FLT3: variants seen among roughly 807,000 people sequenced by gnomAD.
The protein encoded by FLT3 is fms related receptor tyrosine kinase 3, also known as receptor-type tyrosine-protein kinase FLT3.
A neutral mutation model predicts 126.6 loss-of-function variants in FLT3; 46 were observed. The ratio of observed to expected loss-of-function variants is 0.36; its 90% CI spans 0.29 to 0.46. The LOEUF is 0.46. Among genes scored for constraint, FLT3 ranks in the 20% least tolerant of loss-of-function variants. FLT3 has a pLI of 1.00. For missense variants in FLT3, 1,069 were observed against 1,190.3 expected (o/e 0.90, Z 1.50); for synonymous variants, 404 against 434.4 (o/e 0.93, Z 0.87).
intron 23 of FLT3, among the ~76,000 whole-genome samples, chr13:28,007,097 T>C (rs1216258011): frequency 6.6e-6 from 1 of 152,130 alleles, no homozygotes; most frequent in Non-Finnish European, 1.5e-5. Flanking sequence ...TTAAATGACT[T>C]TTTAAATACA....
At chr13:28,032,231 G>C (rs1279858267) in intron 15 of FLT3, among the ~76,000 whole-genome samples, 1 of 152,228 alleles carries the variant, frequency 6.6e-6, no homozygotes, top group Non-Finnish European at 1.5e-5. Context: ...AGGGACCTTT[G>C]AGACATCCAA....
rs1279372452 is a variant in FLT3 at position 28,049,488 on chromosome 13, C to T, written c.932G>A (p.Arg311Gln). 9 of 1,613,116 alleles carry T rather than the reference C, an allele frequency of 5.6e-6. No individual in the cohort carries two copies. The highest frequency in any genetic ancestry group is 6.8e-6 in the Non-Finnish European group (8 of 1,179,252). ...TGATGATACAAAAGCAAACAGAATC[C>T]GTATCATAGTTCTGTTTGTTGAATA... Reference protein sequence around the residue: ...STYSTNRTMIRILFAFVSSVA... With the variant: ...STYSTNRTMIQILFAFVSSVA... The change falls in exon 8 of 24, where the codon CGG becomes CAG. Residue 311 changes from arginine (R) to glutamine (Q), a missense_variant. By Grantham distance (43) the Arg-to-Gln change is conservative (BLOSUM62 1). Transcript: ENST00000241453.
rs1443906631 is a variant in FLT3 at position 28,014,518 on chromosome 13, C to T, written c.2793G>A (p.Arg931=). Residue 931 remains arginine, a synonymous_variant, in exon 23 of 24, where the codon AGG becomes AGA. Coordinates refer to ENST00000241453, the MANE Select transcript of FLT3 (RefSeq NM_004119.3). The stretch of plus-strand genomic sequence containing the variant: ...TCAAATTAGGGAAGGATGGCCGTTT[C>T]CTTGAGTCAAAAGCCCAGCAGGATT... ...IMQSCWAFDS[R]KRPSFPNLTS... is the part of the protein sequence containing the mutation. The T allele has an allele frequency of 6.2e-7, 1 of 1,614,054 alleles. No homozygotes were observed. The highest frequency in any genetic ancestry group is 8.5e-7 in the Non-Finnish European group (1 of 1,179,942).
At chr13:28,018,718 C>A (rs954094058) in intron 19 of FLT3, 129 bp from the exon 20 acceptor site, 2 of 910,076 alleles carry the variant, frequency 2.2e-6, no homozygotes, top group Non-Finnish European at 1.7e-6. Context: ...CTGGGCTGTG[C>A]CGTGAGCGGC....
At position 28,049,448 on chromosome 13, in the gene FLT3, G is replaced by T. The variant is rs750726862; in HGVS notation, c.972C>A (p.Asp324Glu). 1.4e-5 allele frequency: 23 copies of T among 1,613,932 alleles called. No homozygotes were observed. Among genetic ancestry groups the T allele is most frequent in the Non-Finnish European group, 1.9e-5 (23 of 1,179,956 alleles). Reference protein sequence around the residue: ...FAFVSSVARNDTGYYTCSSSK... With the variant: ...FAFVSSVARNETGYYTCSSSK... ...AAGAGGAACAAGTGTAGTATCCGGT[G>T]TCGTTTCTTGCCACTGATGATACAA... The change falls in exon 8 of 24, where the codon GAC (aspartate) becomes GAA (glutamate). Residue 324 changes from aspartate (D) to glutamate (E), a missense_variant. Physicochemically the swap from Asp to Glu is conservative, Grantham distance 45. Coordinates refer to ENST00000241453, the MANE Select transcript of FLT3 (RefSeq NM_004119.3).
At chr13:28,050,459 T>C (rs957910598) in intron 5 of FLT3, among the ~76,000 whole-genome samples, 3 of 152,132 alleles carry the variant, frequency 2.0e-5, no homozygotes, top group African/African-American at 7.2e-5. Flanking sequence ...ACAAAACAGT[T>C]TAAAATTGTT....
intron 1 of FLT3, among the ~76,000 whole-genome samples, chr13:28,089,806 C>T (rs968387163): frequency 4.0e-5 from 6 of 150,776 alleles, no homozygotes; most frequent in Non-Finnish European, 7.4e-5. Flanking sequence ...GTGATCTTGG[C>T]TCACTGCAAC....
At chr13:28,027,048 C>A in intron 17 of FLT3, 40 bp downstream of exon 17, 1 of 1,586,098 alleles carries the variant, frequency 6.3e-7, no homozygotes. Flanking sequence ...TGCCTACGTT[C>A]TATGATGTGT....
At chr13:28,006,552 A>C (rs1326748148) in intron 23 of FLT3, among the ~76,000 whole-genome samples, 1 of 152,088 alleles carries the variant, frequency 6.6e-6, no homozygotes, top group Non-Finnish European at 1.5e-5. Flanking sequence ...TAGCACAAAT[A>C]CCAATAACAC....
At chr13:28,087,038 C>T (rs1433146688) in intron 1 of FLT3, among the ~76,000 whole-genome samples, 1 of 152,080 alleles carries the variant, frequency 6.6e-6, no homozygotes, top group Admixed American at 6.6e-5. Flanking sequence ...CTATTTGTTT[C>T]TCTTCATTTT....
At chr13:28,034,542 T>C (rs542832628) in intron 12 of FLT3, 135 bp from the exon 13 acceptor site, 1 of 655,704 alleles carries the variant, frequency 1.5e-6, no homozygotes, top group East Asian at 2.7e-5. Flanking sequence ...ACTCTACATA[T>C]ACTCTACTCC....
intron 16 of FLT3, 23 bp downstream of exon 16, chr13:28,028,155 T>G: frequency 8.9e-7 from 1 of 1,120,492 alleles, no homozygotes; most frequent in Non-Finnish European, 1.4e-6. Flanking sequence ...TTTGATGAGG[T>G]GATTTTCGTG....
intron 4 of FLT3, among the ~76,000 whole-genome samples, chr13:28,054,904 A>C (rs1490023289): frequency 6.6e-6 from 1 of 152,090 alleles, no homozygotes; most frequent in African/African-American, 2.4e-5. Flanking sequence ...ATGCCTACTC[A>C]TGTCCTTTGT....
intron 20 of FLT3, among the ~76,000 whole-genome samples, chr13:28,016,627 C>T (rs762967465): frequency 6.6e-6 from 1 of 152,204 alleles, no homozygotes. Context: ...TTAATCAGCA[C>T]ATGCTTAATC....
intron 1 of FLT3, among the ~76,000 whole-genome samples, chr13:28,096,753 T>C (rs1879481128): frequency 6.6e-6 from 1 of 152,144 alleles, no homozygotes. Flanking sequence ...ATTTTTAATG[T>C]ATATTTAGTA....
chr13:28,026,214 G>T (rs1872781608), intron 17 of FLT3, among the ~76,000 whole-genome samples: 2 of 151,942 alleles, frequency 1.3e-5, no homozygotes. Context: ...GCTGGGCGTG[G>T]TGGCACATGC....
chr13:28,007,200 C>CT (rs1193395254), intron 23 of FLT3, among the ~76,000 whole-genome samples: 2 of 151,968 alleles, frequency 1.3e-5, no homozygotes, highest in African/African-American at 4.8e-5. Context: ...AAAAATGGTT[C>CT]TTTTTTCCTT....
intron 9 of FLT3, 133 bp from the exon 10 acceptor site, chr13:28,037,421 T>C (rs1367322575): frequency 1.6e-6 from 1 of 641,624 alleles, no homozygotes; most frequent in African/African-American, 1.8e-5. Flanking sequence ...AAAGGAAATG[T>C]CCATATTGTA....
In FLT3 at chr13:28,070,942, G is replaced by A. The variant is rs1252369004; in HGVS notation, c.44-330C>T. On this transcript the variant is annotated intron_variant, in intron 1 of 23. Transcript: ENST00000241453. ...TGAGGAAATGATTATTTGTATACAT[G>A]ATTTGTGTGTGTGTGTGTGTGCACT... 3.4e-5 allele frequency among the ~76,000 whole-genome samples: 5 copies of A among 146,718 alleles called. No individual in the cohort carries two copies. The East Asian group carries it at 1.0e-3, about 30-fold the overall frequency.
Sources: allele counts gnomAD v4.1 joint callset (sites outside exome capture counted in the v4.1 genomes callset), GRCh38; gene constraint gnomAD v4.1.1; transcripts MANE v1.5; gene names NCBI Gene and HGNC (gene_info 2026-07-23, HGNC 2026-07-21).